THSD7B: variants seen among roughly 807,000 people sequenced by gnomAD.
THSD7B encodes thrombospondin type-1 domain-containing protein 7B.
A neutral mutation model predicts 213.6 loss-of-function variants in THSD7B; 138 were observed. The observed-to-expected ratio is 0.65, with a 90% CI of 0.56 to 0.74. The LOEUF is 0.74. Ranked by LOEUF, THSD7B falls within the 30% of genes least tolerant of loss-of-function variation. THSD7B has a pLI of 0.00. For synonymous variants in THSD7B, 742 were observed against 687.0 expected, an observed-to-expected ratio of 1.08 and a Z score of -1.25; for missense variants, 1,931 against 1,991.5, an observed-to-expected ratio of 0.97 and a Z score of 0.58.
At chr2:136,921,415 C>A (rs1284760793) in intron 2 of THSD7B, among the ~76,000 whole-genome samples, 5 of 151,908 alleles carry the variant, frequency 3.3e-5, no homozygotes, top group African/African-American at 1.2e-4. Flanking sequence ...AGACACACAC[C>A]ATTGCAACCC....
chr2:136,905,930 T>C (rs995993295), intron 2 of THSD7B, among the ~76,000 whole-genome samples: 1 of 152,186 alleles, frequency 6.6e-6, no homozygotes, highest in Non-Finnish European at 1.5e-5. Flanking sequence ...GGGTGAGGAA[T>C]ACTTACAGCT....
intron 12 of THSD7B, among the ~76,000 whole-genome samples, chr2:137,358,479 T>A (rs562702927): frequency 9.9e-4 from 150 of 152,200 alleles, no homozygotes; most frequent in African/African-American, 3.1e-3. Flanking sequence ...CCGAAAAAAA[T>A]TTTTTAAAGG....
chr2:137,081,371 AC>A (rs1442221282), intron 3 of THSD7B, among the ~76,000 whole-genome samples: 2 of 151,826 alleles, frequency 1.3e-5, no homozygotes, highest in African/African-American at 2.4e-5. Context: ...TCTCTAATCT[AC>A]TTCTATCTTT....
intron 1 of THSD7B, among the ~76,000 whole-genome samples, chr2:136,822,689 A>C (rs1411970811): frequency 6.6e-6 from 1 of 152,214 alleles, no homozygotes; most frequent in East Asian, 1.9e-4. Context: ...AAGGAAGGGA[A>C]TGTCCCATGG....
At chr2:137,307,337 C>T (rs917993829) in intron 12 of THSD7B, among the ~76,000 whole-genome samples, 4 of 152,008 alleles carry the variant, frequency 2.6e-5, no homozygotes, top group Admixed American at 1.3e-4. Context: ...CAGGGTAACT[C>T]GCAGCCCGCC....
At chr2:136,912,321 C>CAAAAAAAAA (rs1159184476) in intron 2 of THSD7B, among the ~76,000 whole-genome samples, 1 of 55,834 alleles carries the variant, frequency 1.8e-5, no homozygotes, top group Non-Finnish European at 3.0e-5. Flanking sequence ...GACTCCATCT[C>CAAAAAAAAA]AAAAAAAAAA....
chr2:137,069,422 A>G (rs1045144398), intron 3 of THSD7B, among the ~76,000 whole-genome samples: 28 of 152,068 alleles, frequency 1.8e-4, no homozygotes, highest in African/African-American at 6.3e-4. Context: ...AAAGTGATTC[A>G]TACTTATTGT....
intron 2 of THSD7B, among the ~76,000 whole-genome samples, chr2:137,011,622 C>T (rs1168547917): frequency 1.3e-5 from 2 of 152,180 alleles, no homozygotes; most frequent in Non-Finnish European, 2.9e-5. Context: ...TCCATCTTTC[C>T]AACTCTGGTG....
At chr2:136,916,898 T>C (rs1245595896) in intron 2 of THSD7B, among the ~76,000 whole-genome samples, 2 of 152,186 alleles carry the variant, frequency 1.3e-5, no homozygotes, top group African/African-American at 4.8e-5. Flanking sequence ...AGTCTTGGCA[T>C]TGAACTTCTT....
rs10194192 is a variant in THSD7B, at chr2:137,670,894, G to C, written c.4739+3033G>C. Among the ~76,000 whole-genome samples the C allele has an allele frequency of 1.4e-3, 201 of 146,916 alleles. 4 individuals are homozygous for C. In the South Asian group the frequency reaches 0.035, roughly 25 times the overall value. On this transcript the variant is annotated intron_variant, in intron 27 of 27. Coordinates refer to ENST00000409968, the MANE Select transcript of THSD7B (RefSeq NM_001316349.2). ...CAAGATTGCGCCACTGCACTGCAGC[G>C]TGGGCGACAGAGTGAGACTCCGCCT...
At chr2:137,389,814 A>T (rs1182422112) in intron 12 of THSD7B, among the ~76,000 whole-genome samples, 2 of 152,158 alleles carry the variant, frequency 1.3e-5, no homozygotes, top group African/African-American at 4.8e-5. Flanking sequence ...AGCACAATTT[A>T]TTAAAAAGGG....
At chr2:137,352,550 T>TA in intron 12 of THSD7B, among the ~76,000 whole-genome samples, 1 of 152,108 alleles carries the variant, frequency 6.6e-6, no homozygotes, top group East Asian at 1.9e-4. Flanking sequence ...CCCCATGGTT[T>TA]ATGGGGTTTA....
intron 1 of THSD7B, among the ~76,000 whole-genome samples, chr2:136,855,660 C>T (rs970598358): frequency 4.9e-4 from 74 of 151,430 alleles, no homozygotes; most frequent in African/African-American, 1.6e-3. Context: ...TTAGTAGAGA[C>T]GGGGTTTCAC....
chr2:137,171,124 C>T (rs757274938), intron 7 of THSD7B, among the ~76,000 whole-genome samples, 186 bp downstream of exon 7: 2 of 152,152 alleles, frequency 1.3e-5, no homozygotes, highest in Non-Finnish European at 2.9e-5. Flanking sequence ...TATGGGTCCA[C>T]ATACTCCATG....
intron 7 of THSD7B, among the ~76,000 whole-genome samples, chr2:137,188,720 C>T (rs1032934579): frequency 1.3e-5 from 2 of 152,158 alleles, no homozygotes; most frequent in African/African-American, 4.8e-5. Context: ...CATCTAACTT[C>T]CAGGTTTGAC....
intron 10 of THSD7B, among the ~76,000 whole-genome samples, chr2:137,270,595 A>T (rs747267410): frequency 1.8e-4 from 27 of 152,192 alleles, no homozygotes; most frequent in Non-Finnish European, 3.2e-4. Flanking sequence ...AAGACCAAAA[A>T]GTAGAGAAAT....
At chr2:136,821,516 G>A (rs934323006) in intron 1 of THSD7B, among the ~76,000 whole-genome samples, 2 of 152,190 alleles carry the variant, frequency 1.3e-5, no homozygotes, top group Admixed American at 6.5e-5. Flanking sequence ...TGGTGGCTGA[G>A]TTGGAACAGG....
chr2:137,657,386 A>G lies in THSD7B; in HGVS notation c.4375+226A>G, dbSNP rs571759528. On this transcript the variant is annotated intron_variant, in intron 24 of 27. Coordinates refer to ENST00000409968, the MANE Select transcript of THSD7B (RefSeq NM_001316349.2). ...ACTTAAAGAAATAAGCTGAAATGCA[A>G]TAAAATGTCCTTAAATATCATGATC... Among the ~76,000 whole-genome samples, 358 of 152,346 alleles carry G rather than the reference A, an allele frequency of 2.3e-3. 2 individuals are homozygous for G. Among genetic ancestry groups the G allele is most frequent in the Non-Finnish European group, 4.3e-3 (294 of 68,026 alleles).
At chr2:136,825,275 A>C (rs1266437798) in intron 1 of THSD7B, among the ~76,000 whole-genome samples, 1 of 152,210 alleles carries the variant, frequency 6.6e-6, no homozygotes, top group Non-Finnish European at 1.5e-5. Context: ...TAATTAAAAC[A>C]AATTTATTAT....
Sources: allele counts gnomAD v4.1 joint callset (sites outside exome capture counted in the v4.1 genomes callset), GRCh38; gene constraint gnomAD v4.1.1; transcripts MANE v1.5; gene names NCBI Gene and HGNC (gene_info 2026-07-23, HGNC 2026-07-21).